FILIP1: variants seen among roughly 807,000 people sequenced by gnomAD.
FILIP1 encodes filamin-A-interacting protein 1.
In FILIP1, 61 loss-of-function variants were observed where a neutral mutation model predicts 102.1. That is an observed-to-expected ratio of 0.60 (90% CI 0.49 to 0.74). The LOEUF is 0.74. Ranked by LOEUF, FILIP1 falls within the 30% of genes least tolerant of loss-of-function variation. FILIP1 has a pLI of 0.00. For synonymous variants in FILIP1, 491 were observed against 526.9 expected (o/e 0.93, Z 0.93); for missense variants, 1,314 against 1,441.2 (o/e 0.91, Z 1.43).
chr6:75,484,448 GTCTTTTAAAGTACTTTTAAAGTAC>G (rs1481141795), intron 1 of FILIP1, among the ~76,000 whole-genome samples: 1 of 150,488 alleles, frequency 6.6e-6, no homozygotes, highest in Non-Finnish European at 1.5e-5. Flanking sequence ...TTAAAGTACT[GTCTTTTAAAGTACTTTTAAAGTAC>G]TGTCTTTAAA....
At chr6:75,356,894 T>C (rs1775022278) in intron 3 of FILIP1, among the ~76,000 whole-genome samples, 1 of 152,180 alleles carries the variant, frequency 6.6e-6, no homozygotes, top group African/African-American at 2.4e-5. Flanking sequence ...TCAACATATT[T>C]TAGAGAACGT....
rs753809858 is a variant in FILIP1, at chr6:75,312,451, G to A, written c.3381C>T (p.Ser1127=). The change falls in exon 5 of 6, where the codon AGC becomes AGT. Residue 1127 remains serine (S), a synonymous_variant. Coordinates refer to ENST00000237172, the MANE Select transcript of FILIP1 (RefSeq NM_015687.5). ...TTGTGACCGGTGTTATGGTGATAGTGCTCGTCACTTTGCTTGCACCAGGCC... is the reference window on the plus strand; with the variant it reads ...TTGTGACCGGTGTTATGGTGATAGTACTCGTCACTTTGCTTGCACCAGGCC... ...SSRPGASKVT[S]TITITPVTTS... 1.2e-6 allele frequency: 2 copies of A among 1,614,136 alleles called. No homozygotes were observed. The highest frequency in any genetic ancestry group is 2.2e-5 in the South Asian group (2 of 91,082).
intron 4 of FILIP1, among the ~76,000 whole-genome samples, chr6:75,333,826 T>C (rs1369808622): frequency 6.6e-6 from 1 of 152,194 alleles, no homozygotes; most frequent in Non-Finnish European, 1.5e-5. Flanking sequence ...TTTTTTGGCA[T>C]TTTGAAAAAT....
chr6:75,355,151 C>T (rs1338968111), intron 3 of FILIP1, among the ~76,000 whole-genome samples: 3 of 151,868 alleles, frequency 2.0e-5, no homozygotes, highest in Admixed American at 1.3e-4. Flanking sequence ...AAAAATTAGC[C>T]AGGCGTGTTG....
intron 4 of FILIP1, among the ~76,000 whole-genome samples, chr6:75,351,713 T>C (rs1453983548): frequency 6.6e-6 from 1 of 152,234 alleles, no homozygotes; most frequent in Admixed American, 6.5e-5. Context: ...TAAGTTTGTG[T>C]AAGCGTACTC....
chr6:75,406,997 T>A (rs1193109773), intron 2 of FILIP1, among the ~76,000 whole-genome samples: 1 of 152,124 alleles, frequency 6.6e-6, no homozygotes, highest in Non-Finnish European at 1.5e-5. Flanking sequence ...CAATCCATTT[T>A]GAATTAATTA....
At chr6:75,305,267 C>A (rs2149537431), downstream of FILIP1, among the ~76,000 whole-genome samples, 1 of 152,284 alleles carries the variant, frequency 6.6e-6, no homozygotes, top group African/African-American at 2.4e-5. Flanking sequence ...ATATCTATAA[C>A]CCCATGTTTT....
At chr6:75,459,669 TC>T (rs1778957530) in intron 1 of FILIP1, among the ~76,000 whole-genome samples, 1 of 152,220 alleles carries the variant, frequency 6.6e-6, no homozygotes, top group Non-Finnish European at 1.5e-5. Flanking sequence ...TATATTAACA[TC>T]TACATTCCCT....
At chr6:75,322,874 A>G (rs903738662) in intron 4 of FILIP1, among the ~76,000 whole-genome samples, 53 of 152,104 alleles carry the variant, frequency 3.5e-4, no homozygotes, top group Non-Finnish European at 7.5e-4. Flanking sequence ...TTGTATTTTC[A>G]GTAGAGACGG....
intron 1 of FILIP1, among the ~76,000 whole-genome samples, chr6:75,444,931 T>C (rs1017533773): frequency 5.9e-5 from 9 of 152,294 alleles, no homozygotes; most frequent in African/African-American, 2.2e-4. Flanking sequence ...CCTGTAATTG[T>C]GTAAGTGTTG....
Position 75,315,043 on chromosome 6 carries a change from C to T in FILIP1, c.789G>A (p.Leu263=), listed in dbSNP as rs1169288010. Residue 263 remains leucine, a synonymous_variant, in exon 5 of 6, where the codon CTG becomes CTA. Coordinates refer to ENST00000237172, the MANE Select transcript of FILIP1 (RefSeq NM_015687.5). The stretch of plus-strand genomic sequence containing the variant: ...TAAGATCCTGTACTTTCTGGCTTTG[C>T]AGGCCAAGTTGTTCAATGTGCATTT... ...ERQMHIEQLG[L]QSQKVQDLTQ... The T allele has an allele frequency of 4.3e-6, 7 of 1,613,958 alleles. No individual in the cohort carries two copies. The highest frequency in any genetic ancestry group is 5.9e-6 in the Non-Finnish European group (7 of 1,179,996).
chr6:75,319,900 C>T, intron 4 of FILIP1: 1 of 464,112 alleles, frequency 2.2e-6, no homozygotes, highest in Non-Finnish European at 3.9e-6. Context: ...TCTTCTTATG[C>T]TCCTCCTCCG....
intron 1 of FILIP1, among the ~76,000 whole-genome samples, chr6:75,415,314 T>C (rs1363054439): frequency 1.3e-5 from 2 of 151,976 alleles, no homozygotes; most frequent in African/African-American, 4.8e-5. Flanking sequence ...ATGTCAATTA[T>C]AGAGGAAACT....
Position 75,295,985 on chromosome 6 carries a change from A to G in FILIP1, c.3494-35T>C, listed in dbSNP as rs1331447043. On this transcript the variant is annotated intron_variant, in intron 6 of 6. Coordinates refer to the FILIP1 transcript ENST00000393004. ...GAAAAAAGACATGGCATTTTCAATTAAACTGAAACTGAGAATCAAGCTACA... is the reference window on the plus strand; with the variant it reads ...GAAAAAAGACATGGCATTTTCAATTGAACTGAAACTGAGAATCAAGCTACA... 5 of 1,355,938 alleles carry G rather than the reference A, an allele frequency of 3.7e-6. No individual in the cohort carries two copies. In the East Asian group the frequency reaches 1.4e-4, roughly 39 times the overall value. The allele number at this position is 1,355,938 out of a possible 1,614,324, so 84.0% of individuals were successfully genotyped here.
At chr6:75,369,130 C>T (rs886464311) in intron 2 of FILIP1, among the ~76,000 whole-genome samples, 7 of 152,278 alleles carry the variant, frequency 4.6e-5, no homozygotes, top group South Asian at 2.1e-4. Flanking sequence ...AGGTTTTTTA[C>T]TATTCTCCCT....
intron 2 of FILIP1, among the ~76,000 whole-genome samples, chr6:75,363,319 A>G (rs1300398824): frequency 1.3e-5 from 2 of 152,318 alleles, no homozygotes; most frequent in African/African-American, 4.8e-5. Flanking sequence ...TAGTATTCAA[A>G]TCTGGTTTAA....
At chr6:75,391,108 C>G (rs1181046044) in intron 2 of FILIP1, among the ~76,000 whole-genome samples, 1 of 152,128 alleles carries the variant, frequency 6.6e-6, no homozygotes, top group Non-Finnish European at 1.5e-5. Context: ...TCCAACAGTG[C>G]TTTGATGGCA....
In FILIP1 at chr6:75,447,272, G is replaced by GC. The variant is rs1348745434; in HGVS notation, c.-6-32295dup. Reference sequence around the variant, plus strand: ...CTTTAAAGAGTTCTTTTTTTCCCCTGCAAGAAACACTGGAAATCAGGTGCA... The same window carrying GC: ...CTTTAAAGAGTTCTTTTTTTCCCCTGCCAAGAAACACTGGAAATCAGGTGCA... On this transcript the variant is annotated intron_variant, in intron 1 of 5. Coordinates refer to ENST00000237172, the MANE Select transcript of FILIP1 (RefSeq NM_015687.5). 2.0e-5 allele frequency among the ~76,000 whole-genome samples: 3 copies of GC among 152,012 alleles called. No individual in the cohort carries two copies. The East Asian group carries it at 5.8e-4, about 29-fold the overall frequency.
rs547005705 is a variant in FILIP1, at chr6:75,337,628, T to C, written c.629+15911A>G. 3.8e-4 allele frequency among the ~76,000 whole-genome samples: 58 copies of C among 152,020 alleles called. 1 individual carries two copies. Among genetic ancestry groups the C allele is most frequent in the African/African-American group, 1.4e-3 (58 of 41,474 alleles). ...TGGCAGGGCAGGAAGAAGAACATCA[T>C]AGGATACACTAGAAGCACTGCACTT... On this transcript the variant is annotated intron_variant, in intron 4 of 5. Transcript: ENST00000237172.
Sources: allele counts gnomAD v4.1 joint callset (sites outside exome capture counted in the v4.1 genomes callset), GRCh38; gene constraint gnomAD v4.1.1; transcripts MANE v1.5; gene names NCBI Gene and HGNC (gene_info 2026-07-23, HGNC 2026-07-21).